The following EDARADD variants were observed in gnomAD, a reference collection of about 807,000 sequenced individuals.
The protein encoded by EDARADD is EDAR associated via death domain, also known as ectodysplasin-A receptor-associated adapter protein.
Under a neutral mutation model 25.6 loss-of-function variants are expected in EDARADD, and 20 were observed. The ratio of observed to expected loss-of-function variants is 0.78; its 90% CI spans 0.55 to 1.14. EDARADD has a LOEUF of 1.14. EDARADD is among the 50% of genes most tolerant of loss of function. The probability of loss-of-function intolerance (pLI) is 0.00; values close to 1 mark genes in which losing one functional copy is unlikely to be tolerated. For synonymous variants in EDARADD, 86 were observed against 94.4 expected (o/e 0.91, Z 0.52); for missense variants, 225 against 270.1 (o/e 0.83, Z 1.17).
chr1:236,427,430 A>T lies in EDARADD; in HGVS notation c.199A>T (p.Asn67Tyr), dbSNP rs751704449. 1 of 1,612,406 alleles carries T rather than the reference A, an allele frequency of 6.2e-7. No individual in the cohort carries two copies. The highest frequency in any genetic ancestry group is 8.5e-7 in the Non-Finnish European group (1 of 1,179,460). The change falls in exon 4 of 6, where the codon AAT becomes TAT. Residue 67 changes from asparagine to tyrosine, a missense_variant. Asn to Tyr is a moderately radical substitution (Grantham distance 143, BLOSUM62 -2). Transcript: ENST00000334232. The stretch of plus-strand genomic sequence containing the variant: ...TACAATTACTTTGAACTGCCCACGA[A>T]ATTCAGATATGAAAAATCAGGTAAG... ...CDTITLNCPR[N>Y]SDMKNQGEEN...
chr1:236,482,114 CAAAA>C (rs374553103), intron 5 of EDARADD, among the ~76,000 whole-genome samples, 149 bp from the exon 6 acceptor site: 4 of 73,334 alleles, frequency 5.5e-5, no homozygotes, highest in African/African-American at 9.4e-5. Flanking sequence ...GACTCCATCT[CAAAA>C]AAAAAAAAAA....
intron 5 of EDARADD, among the ~76,000 whole-genome samples, chr1:236,478,618 G>A (rs977803541): frequency 1.3e-5 from 2 of 151,882 alleles, no homozygotes; most frequent in African/African-American, 2.4e-5. Context: ...ACGGAGTCTC[G>A]CTCTGTCACC....
intron 3 of EDARADD, among the ~76,000 whole-genome samples, chr1:236,416,438 A>T (rs558455667): frequency 3.7e-4 from 56 of 152,066 alleles, no homozygotes; most frequent in African/African-American, 1.4e-3. Flanking sequence ...TTTTTTTGTC[A>T]CTCTTAAGTG....
Position 236,395,536 on chromosome 1 carries a change from G to T in EDARADD, c.61+1031G>T. On this transcript the variant is annotated intron_variant, in intron 1 of 5. Coordinates refer to ENST00000334232, the MANE Select transcript of EDARADD (RefSeq NM_145861.4). This position sits in a 1 kb window ranked among gnomAD's most constrained non-coding sequence, Gnocchi z 6.9. Reference sequence around the variant, plus strand: ...GGTTTGCTCCAGGCGCGTCGGAACCGCAGGACTTTTCATCCCCGTGGTCCC... The same window carrying T: ...GGTTTGCTCCAGGCGCGTCGGAACCTCAGGACTTTTCATCCCCGTGGTCCC... The T allele has an allele frequency of 6.5e-7, 1 of 1,537,088 alleles. No homozygotes were observed. Among genetic ancestry groups the T allele is most frequent in the South Asian group, 1.2e-5 (1 of 83,808 alleles).
At chr1:236,482,242 T>C (rs1332539163) in intron 5 of EDARADD, 25 bp from the exon 6 acceptor site, 1 of 1,613,972 alleles carries the variant, frequency 6.2e-7, no homozygotes, top group African/African-American at 1.3e-5. Context: ...TGTTGACCTG[T>C]GGACTAAATT....
chr1:236,367,084 CAA>C (rs753983803), intron 3 of EDARADD, among the ~76,000 whole-genome samples: 19 of 61,908 alleles, frequency 3.1e-4, no homozygotes, highest in Admixed American at 4.3e-4. Context: ...ACTCCATCGC[CAA>C]AAAAAAAAAA....
intron 4 of EDARADD, among the ~76,000 whole-genome samples, chr1:236,467,494 A>C (rs1285090056): frequency 6.6e-6 from 1 of 151,708 alleles, no homozygotes; most frequent in East Asian, 1.9e-4. Context: ...AATCCCTCAC[A>C]TCCCTGTAGC....
intron 3 of EDARADD, among the ~76,000 whole-genome samples, chr1:236,363,022 T>C (rs1473474852): frequency 1.8e-5 from 2 of 111,952 alleles, no homozygotes; most frequent in Non-Finnish European, 3.5e-5. Context: ...TATATATATA[T>C]ATATATATAT....
rs1659768168 is a variant in EDARADD, at chr1:236,484,275, C to T, written c.*1626C>T. On this transcript the variant is annotated 3_prime_UTR_variant, in exon 6 of 6. Transcript: ENST00000334232. This position sits in a 1 kb window ranked among gnomAD's most constrained non-coding sequence, Gnocchi z 4.1. ...CAATGGTTGGTGTGTCATGGTGCCT[C>T]ATCATTCTGGGGAGACTGAAAATAC... 13 of 992,978 alleles carry T rather than the reference C, an allele frequency of 1.3e-5. 1 individual carries two copies. The South Asian group carries it at 1.7e-4, about 13-fold the overall frequency. The allele number at this position is 992,978 out of a possible 1,614,324, so 61.5% of individuals were successfully genotyped here.
chr1:236,441,483 T>C, intron 4 of EDARADD, among the ~76,000 whole-genome samples: 1 of 146,476 alleles, frequency 6.8e-6, no homozygotes, highest in Middle Eastern at 3.6e-3. Context: ...TATAAATATG[T>C]AAATATATAT....
intron 2 of EDARADD, among the ~76,000 whole-genome samples, chr1:236,409,756 G>T (rs553943676): frequency 3.3e-5 from 5 of 151,482 alleles, no homozygotes; most frequent in Non-Finnish European, 5.9e-5. Context: ...TAGAGTGGGG[G>T]TTTCACCATG....
At position 236,361,635 on chromosome 1, in the gene EDARADD, T is replaced by TTATATA. The variant is rs146661697; in HGVS notation, c.-6+10806_-6+10811dup. On this transcript the variant is annotated intron_variant, in intron 3 of 7. Transcript: ENST00000439430. The stretch of plus-strand genomic sequence containing the variant: ...GTGAGCCACCACGCACAGCCAAATT[T>TTATATA]TATATATATATATATTCCTTCATAC... Among the ~76,000 whole-genome samples, 1,339 of 134,200 alleles carry TTATATA rather than the reference T, an allele frequency of 1.0e-2. 95 individuals carry two copies. The highest frequency in any genetic ancestry group is 0.039 in the African/African-American group (1,283 of 32,578). The allele number at this position is 134,200 out of a possible 152,430, so 88.0% of individuals were successfully genotyped here.
At position 236,360,537 on chromosome 1, in the gene EDARADD, G is replaced by GATTTTTTTTTTTTTTTTT. The variant is rs1558100082; in HGVS notation, c.-6+9698_-6+9699insATTTTTTTTTTTTTTTTT. Reference sequence around the variant, plus strand: ...CAGGACAGAGGGATTTTAATTCACGGTTTTTTTTTTTTTTTTTTTTTTTTT... The same window carrying GATTTTTTTTTTTTTTTTT: ...CAGGACAGAGGGATTTTAATTCACGGATTTTTTTTTTTTTTTTTTTTTTTTTTTTTTTTTTTTTTTTTT... On this transcript the variant is annotated intron_variant, in intron 3 of 7. Transcript: ENST00000439430. Among the ~76,000 whole-genome samples the GATTTTTTTTTTTTTTTTT allele has an allele frequency of 1.5e-5, 2 of 131,266 alleles. 1 individual carries two copies. The allele number at this position is 131,266 out of a possible 152,430, so 86.1% of individuals were successfully genotyped here. A position where few individuals can be genotyped will look rare whatever the true frequency, so the allele number is the denominator to read the frequency against.
chr1:236,363,006 A>AAAT (rs1377112051), intron 3 of EDARADD, among the ~76,000 whole-genome samples: 1,161 of 42,812 alleles, frequency 0.027, 29 homozygotes, highest in Non-Finnish European at 0.036. Flanking sequence ...AAAAAAAAAA[A>AAAT]ATATATATAT....
rs35064410 is a variant in EDARADD, at chr1:236,464,423, C to CTTTTTT, written c.220-3786_220-3781dup. Among the ~76,000 whole-genome samples the CTTTTTT allele has an allele frequency of 1.6e-4, 12 of 72,980 alleles. 2 individuals are homozygous for CTTTTTT. The highest frequency in any genetic ancestry group is 3.3e-4 in the African/African-American group (7 of 21,136). The allele number at this position is 72,980 out of a possible 152,430, so 47.9% of individuals were successfully genotyped here. ...CCACCATGCGTGGTCCTTGCTGCAA[C>CTTTTTT]TTTTTTTTTTTTTTTTTTTTTTTTT... On this transcript the variant is annotated intron_variant, in intron 4 of 5. Transcript: ENST00000334232.
chr1:236,430,305 C>T (rs1283646032), intron 4 of EDARADD, among the ~76,000 whole-genome samples: 11 of 152,122 alleles, frequency 7.2e-5, no homozygotes, highest in Non-Finnish European at 7.4e-5. Context: ...TAAATTTGTT[C>T]TTCTCATAAT....
At chr1:236,348,634 A>G (rs1398938429) in intron 1 of EDARADD, 1 of 152,212 alleles carries the variant, frequency 6.6e-6, no homozygotes, top group African/African-American at 2.4e-5. Context: ...TCATACCTAC[A>G]GGCTATGTTA....
chr1:236,377,059 C>T (rs957115397), intron 3 of EDARADD, among the ~76,000 whole-genome samples: 6 of 150,832 alleles, frequency 4.0e-5, no homozygotes, highest in Non-Finnish European at 5.9e-5. Context: ...TCTCTGTTTA[C>T]ATTGCCCATT....
At position 236,405,822 on chromosome 1, in the gene EDARADD, TTTCCTTCCTTCC is replaced by T. The variant is rs780077696; in HGVS notation, c.62-3350_62-3339del. ...TTTCTTTCTTTCTTTCCTTCCTTCC[TTTCCTTCCTTCC>T]TTCCTTCCTTCCTTCCTTCCTTCCT... On this transcript the variant is annotated intron_variant, in intron 1 of 5. Transcript: ENST00000334232. 5.5e-3 allele frequency among the ~76,000 whole-genome samples: 305 copies of T among 55,450 alleles called. 2 individuals carry two copies. The highest frequency in any genetic ancestry group is 0.015 in the African/African-American group (199 of 12,844). The allele number at this position is 55,450 out of a possible 152,430, so 36.4% of individuals were successfully genotyped here.
Sources: allele counts gnomAD v4.1 joint callset (sites outside exome capture counted in the v4.1 genomes callset), GRCh38; gene constraint gnomAD v4.1.1; non-coding constraint Gnocchi (gnomAD v3.1); transcripts MANE v1.5; gene names NCBI Gene and HGNC (gene_info 2026-07-23, HGNC 2026-07-21).